Variants in UPRT observed in about 807,000 individuals in gnomAD.
The protein encoded by UPRT is RP11-311P8.3.
A neutral mutation model predicts 22.6 loss-of-function variants in UPRT; 5 were observed. The observed-to-expected ratio is 0.22, with a 90% confidence interval of 0.12 to 0.47. UPRT has a LOEUF of 0.47. Among genes scored for constraint, UPRT ranks in the 20% least tolerant of loss-of-function variants. The pLI, the probability that UPRT is intolerant of heterozygous loss-of-function variation, is 0.99. For synonymous variants in UPRT, 77 were observed against 87.7 expected (o/e 0.88, Z 0.68); for missense variants, 181 against 239.9 (o/e 0.75, Z 1.62).
chrX:75,300,000 T>C, intron 5 of UPRT, 104 bp downstream of exon 5: 1 of 999,457 alleles, frequency 1.0e-6, no homozygotes, highest in Non-Finnish European at 1.4e-6. Flanking sequence ...AGTTTCTAAA[T>C]GTTTTTTTCT....
At chrX:75,270,065 A>T (rs2082603412), upstream of UPRT, among the ~76,000 whole-genome samples, 1 of 112,046 alleles carries the variant, frequency 8.9e-6, no homozygotes, top group African/African-American at 3.2e-5. Context: ...CAAGAAAAAA[A>T]CAAACAGCCC....
intron 4 of UPRT, among the ~76,000 whole-genome samples, chrX:75,238,692 C>A (rs2082478305): frequency 9.0e-6 from 1 of 111,211 alleles, no homozygotes; most frequent in African/African-American, 3.3e-5. Flanking sequence ...GGAACATTCT[C>A]CAAGATAGAC....
chrX:75,279,004 T>C (rs1458314762), intron 1 of UPRT, among the ~76,000 whole-genome samples: 3 of 111,517 alleles, frequency 2.7e-5, no homozygotes, highest in Non-Finnish European at 5.7e-5. Context: ...CTCTCTCTCT[T>C]TTTTTAAAAT....
intron 4 of UPRT, among the ~76,000 whole-genome samples, chrX:75,245,504 C>A (rs1187150460): frequency 9.1e-6 from 1 of 110,471 alleles, no homozygotes; most frequent in Non-Finnish European, 1.9e-5. Flanking sequence ...ATGTTCACTG[C>A]AGCACTATTC....
chrX:75,251,541 C>T (rs1047016140), intron 4 of UPRT, among the ~76,000 whole-genome samples: 5 of 111,199 alleles, frequency 4.5e-5, no homozygotes, highest in South Asian at 7.6e-4. Flanking sequence ...AACTACAAAC[C>T]ACTGCTCAAT....
At chrX:75,239,959 G>A (rs2082483177) in intron 4 of UPRT, among the ~76,000 whole-genome samples, 1 of 111,200 alleles carries the variant, frequency 9.0e-6, no homozygotes, top group South Asian at 3.8e-4. Flanking sequence ...GGTAATAGAA[G>A]TTATCTATGA....
At chrX:75,256,270 G>C (rs1207920175) in intron 4 of UPRT, among the ~76,000 whole-genome samples, 1 of 111,893 alleles carries the variant, frequency 8.9e-6, no homozygotes, top group East Asian at 2.8e-4. Context: ...TGATCATTGG[G>C]TCAAAAATGA....
chrX:75,270,476 T>C (rs1382753212), upstream of UPRT, among the ~76,000 whole-genome samples: 34 of 111,705 alleles, frequency 3.0e-4, no homozygotes, highest in Admixed American at 3.2e-3. Context: ...TGTATCACTA[T>C]TCACAATAGC....
At chrX:75,183,984 T>G (rs1245411737) in intron 4 of UPRT, among the ~76,000 whole-genome samples, 1 of 112,335 alleles carries the variant, frequency 8.9e-6, no homozygotes, top group Non-Finnish European at 1.9e-5. Context: ...GCCTGTTCAC[T>G]CTGATGGTAG....
Position 75,182,709 on chromosome X carries a change from T to A in UPRT, c.-447+14830T>A, listed in dbSNP as rs749047513. Among the ~76,000 whole-genome samples the A allele has an allele frequency of 3.6e-5, 4 of 112,150 alleles. No homozygotes were observed. In the East Asian group the frequency reaches 1.1e-3, roughly 31 times the overall value. ...GTCAGATAATGTTCTCTTTTTCATT[T>A]CTGATTATGTTTATTTGGATCATCT... On this transcript the variant is annotated intron_variant, in intron 4 of 13. Transcript: ENST00000652605.
chrX:75,206,820 A>G (rs1237436933), intron 4 of UPRT, among the ~76,000 whole-genome samples: 2 of 110,962 alleles, frequency 1.8e-5, no homozygotes, highest in Middle Eastern at 4.6e-3. Context: ...GCCCACCACC[A>G]TGCCTGGCTA....
At chrX:75,272,356 A>ATG (rs1295210877), upstream of UPRT, among the ~76,000 whole-genome samples, 31 of 90,270 alleles carry the variant, frequency 3.4e-4, 1 homozygote, top group Admixed American at 3.3e-3. Flanking sequence ...ACATATATAT[A>ATG]TGTGTATATA....
At chrX:75,237,645 T>G (rs749532305) in intron 4 of UPRT, among the ~76,000 whole-genome samples, 32 of 110,016 alleles carry the variant, frequency 2.9e-4, no homozygotes, top group African/African-American at 5.3e-4. Flanking sequence ...CATGTCCTTT[T>G]TAGGGACATG....
At chrX:75,252,202 A>G (rs1285809771) in intron 4 of UPRT, among the ~76,000 whole-genome samples, 1 of 112,355 alleles carries the variant, frequency 8.9e-6, no homozygotes, top group Admixed American at 9.4e-5. Flanking sequence ...AAAAGCCAAA[A>G]TTGACAAATG....
rs369396613 is a variant in UPRT, at chrX:75,274,703, G to T, written c.386+63G>T. On this transcript the variant is annotated intron_variant, in intron 1 of 6. Coordinates refer to ENST00000373383, the MANE Select transcript of UPRT (RefSeq NM_145052.4). ...TCTTGCAGGCTGTGGGCGGGGATTG[G>T]AAGTAAAAGGGCTAAGAGACAGTGT... 26 of 1,110,462 alleles carry T rather than the reference G, an allele frequency of 2.3e-5. 1 individual carries two copies. The highest frequency in any genetic ancestry group is 2.2e-4 in the East Asian group (7 of 31,391). The allele number at this position is 1,110,462 out of a possible 1,213,427, so 91.5% of individuals were successfully genotyped here. A position where few individuals can be genotyped will look rare whatever the true frequency, so the allele number is the denominator to read the frequency against.
chrX:75,264,640 T>C (rs1267878581), intron 4 of UPRT, among the ~76,000 whole-genome samples: 2 of 111,567 alleles, frequency 1.8e-5, no homozygotes, highest in African/African-American at 6.5e-5. Flanking sequence ...TGACTCTTTA[T>C]CCAATTTTCC....
intron 1 of UPRT, among the ~76,000 whole-genome samples, chrX:75,284,657 G>A (rs1569282646): frequency 9.0e-6 from 1 of 111,713 alleles, no homozygotes; most frequent in Non-Finnish European, 1.9e-5. Context: ...ACCGCCTATG[G>A]GTCTGTCAGC....
At chrX:75,202,272 C>G (rs1262862978) in intron 4 of UPRT, among the ~76,000 whole-genome samples, 1 of 110,879 alleles carries the variant, frequency 9.0e-6, no homozygotes, top group Non-Finnish European at 1.9e-5. Flanking sequence ...TTATAAGGAA[C>G]TCACACTATC....
intron 4 of UPRT, among the ~76,000 whole-genome samples, chrX:75,169,528 G>A (rs2082221288): frequency 9.0e-6 from 1 of 111,615 alleles, no homozygotes; most frequent in Admixed American, 9.5e-5. Flanking sequence ...TTTCATTGTT[G>A]ACTCAATGAT....
Sources: allele counts gnomAD v4.1 joint callset (sites outside exome capture counted in the v4.1 genomes callset), GRCh38; gene constraint gnomAD v4.1.1; transcripts MANE v1.5; gene names NCBI Gene and HGNC (gene_info 2026-07-23, HGNC 2026-07-21).